The following MUC5B variants were observed in gnomAD, a reference collection of about 807,000 sequenced individuals.
MUC5B encodes mucin 5B, oligomeric mucus/gel-forming, also known as mucin-5B.
Under a neutral mutation model 376.9 loss-of-function variants are expected in MUC5B, and 116 were observed. That is an observed-to-expected ratio of 0.31 (90% CI 0.26 to 0.36). The LOEUF (loss-of-function observed/expected upper bound fraction) is 0.36. MUC5B is among the 10% of genes least tolerant of loss of function. The pLI is 1.00. For synonymous variants in MUC5B, 3,517 were observed against 3,390.9 expected, an observed-to-expected ratio of 1.04 and a Z score of -1.29; for missense variants, 7,165 against 7,769.9, an observed-to-expected ratio of 0.92 and a Z score of 2.93.
chr11:1,261,997 G>A lies in MUC5B; in HGVS notation c.*389G>A. On this transcript the variant is annotated 3_prime_UTR_variant, in exon 49 of 49. Transcript: ENST00000529681. ...CCGCTGGGGCAGACAGGCTGGTCCAGGCAAGGCCAGCTGCTGCCAGGAAGC... is the reference window on the plus strand; with the variant it reads ...CCGCTGGGGCAGACAGGCTGGTCCAAGCAAGGCCAGCTGCTGCCAGGAAGC... 1 of 493,278 alleles carries A rather than the reference G, an allele frequency of 2.0e-6. No homozygotes were observed. The highest frequency in any genetic ancestry group is 1.5e-5 in the South Asian group (1 of 67,298). The allele number at this position is 493,278 out of a possible 1,614,324, so 30.6% of individuals were successfully genotyped here.
intron 32 of MUC5B, 62 bp downstream of exon 32, chr11:1,252,586 C>T: frequency 6.9e-7 from 1 of 1,440,868 alleles, no homozygotes; most frequent in African/African-American, 1.4e-5. Context: ...TGGCTGGAGG[C>T]ACAGCCACAG....
rs759637459 is a variant in MUC5B at position 1,261,730 on chromosome 11, C to T, written c.*122C>T. On this transcript the variant is annotated 3_prime_UTR_variant, in exon 49 of 49. Coordinates refer to ENST00000529681, the MANE Select transcript of MUC5B (RefSeq NM_002458.3). ...GGCCTGTGTGTGGCACCCCGCGCTC[C>T]GTGCTCCTGCTGCCCACCCCGTGGG... The T allele has an allele frequency of 3.0e-5, 30 of 1,005,916 alleles. No individual in the cohort carries two copies. The highest frequency in any genetic ancestry group is 4.8e-5 in the African/African-American group (3 of 62,736). 62.3% of individuals were successfully genotyped at this position (1,005,916 alleles called of 1,614,324 possible).
Position 1,234,434 on chromosome 11 carries a change from C to A in MUC5B, c.2479-95C>A. 6.6e-7 allele frequency: 1 copy of A among 1,509,552 alleles called. No individual in the cohort carries two copies. Among genetic ancestry groups the A allele is most frequent in the Non-Finnish European group, 8.9e-7 (1 of 1,117,658 alleles). 93.5% of individuals were successfully genotyped at this position (1,509,552 alleles called of 1,614,324 possible). On this transcript the variant is annotated intron_variant, in intron 20 of 48. Coordinates refer to ENST00000529681, the MANE Select transcript of MUC5B (RefSeq NM_002458.3). This position sits in a 1 kb window ranked among gnomAD's most constrained non-coding sequence, Gnocchi z 6.3. Reference sequence around the variant, plus strand: ...AAGCTCCGCCCTGGCCCATGCGTTGCCCTGGGTGCTGCTGGGTGCGCCTGT... The same window carrying A: ...AAGCTCCGCCCTGGCCCATGCGTTGACCTGGGTGCTGCTGGGTGCGCCTGT...
intron 25 of MUC5B, 27 bp downstream of exon 25, chr11:1,237,191 G>C (rs117200772): frequency 0.03 from 41,495 of 1,389,574 alleles, 771 homozygotes; most frequent in Non-Finnish European, 0.033. Flanking sequence ...GGCAGGCAGG[G>C]TCTGGTGGGG....
Position 1,232,134 on chromosome 11 carries a change from A to T in MUC5B, c.1817A>T (p.Asp606Val). ...GCCAATGCCAGGAACAGCTTTGAGG[A>T]CCCCTGCTCCCTCAGTGTGGAGAAT... ...ACANARNSFE[D>V]PCSLSVENEN... The change falls in exon 15 of 49, where the codon GAC becomes GTC. Residue 606 changes from aspartate to valine, a missense_variant. Coordinates refer to ENST00000529681, the MANE Select transcript of MUC5B (RefSeq NM_002458.3). The T allele has an allele frequency of 6.2e-7, 1 of 1,610,316 alleles. No individual in the cohort carries two copies. The highest frequency in any genetic ancestry group is 8.5e-7 in the Non-Finnish European group (1 of 1,178,344).
chr11:1,227,241 C>A, intron 5 of MUC5B, 67 bp from the exon 6 acceptor site: 3 of 1,570,082 alleles, frequency 1.9e-6, no homozygotes, highest in Non-Finnish European at 2.6e-6. Context: ...GGTCACGGGG[C>A]TTGGGGCATG....
In MUC5B at chr11:1,251,628, C is replaced by T. The variant is rs4963059; in HGVS notation, c.14748C>T (p.Phe4916=). The change falls in exon 31 of 49, where the codon TTC becomes TTT. Residue 4916 remains phenylalanine, a synonymous_variant. Coordinates refer to ENST00000529681, the MANE Select transcript of MUC5B (RefSeq NM_002458.3). ...PAVLPSSLPT[F]SVSTVSSSVL... is the part of the protein sequence containing the mutation. ...TGCTCCCCAGCAGCCTGCCAACCTT[C>T]AGCGTGTCCACTGTGTCCTCCTCAG... 0.31 allele frequency: 498,940 copies of T among 1,612,710 alleles called. 79,760 individuals carry two copies. Among genetic ancestry groups the T allele is most frequent in the East Asian group, 0.6 (26,695 of 44,860 alleles).
At chr11:1,239,622 G>A (rs371076288) in intron 27 of MUC5B, 56 bp downstream of exon 27, 1 of 1,526,398 alleles carries the variant, frequency 6.6e-7, no homozygotes, top group Non-Finnish European at 8.8e-7. Flanking sequence ...CCGAGTGTAC[G>A]TGGGGGGGCG....
Position 1,235,022 on chromosome 11 carries a change from C to T in MUC5B, c.2631-63C>T, listed in dbSNP as rs140414563. 537 of 1,549,778 alleles carry T rather than the reference C, an allele frequency of 3.5e-4. 8 individuals are homozygous for T. In the East Asian group the frequency reaches 9.0e-3, roughly 26 times the overall value. On this transcript the variant is annotated intron_variant, in intron 21 of 48. Coordinates refer to ENST00000529681, the MANE Select transcript of MUC5B (RefSeq NM_002458.3). ...TGCTGACCTGCACAGGCCTGGGTGC[C>T]GGGTCTCAGGAAGGCCGGGAGAGCA...
intron 2 of MUC5B, 93 bp from the exon 3 acceptor site, chr11:1,226,112 T>A: frequency 2.3e-6 from 3 of 1,320,538 alleles, no homozygotes; most frequent in Non-Finnish European, 3.1e-6. Flanking sequence ...CCCCTTCAAC[T>A]CTGGTGGCTG....
At chr11:1,226,948 AC>A in intron 4 of MUC5B, 72 bp downstream of exon 4, 1 of 715,722 alleles carries the variant, frequency 1.4e-6, no homozygotes, top group African/African-American at 1.9e-5. Flanking sequence ...GCCATGTCTG[AC>A]CTGGGCCAGG....
rs1261142328 is a variant in MUC5B at position 1,257,344 on chromosome 11, C to T, written c.16269+73C>T. 1 of 815,132 alleles carries T rather than the reference C, an allele frequency of 1.2e-6. No individual in the cohort carries two copies. The highest frequency in any genetic ancestry group is 1.7e-5 in the African/African-American group (1 of 59,728). 50.5% of individuals were successfully genotyped at this position (815,132 alleles called of 1,614,324 possible). On this transcript the variant is annotated intron_variant, in intron 40 of 48. Coordinates refer to ENST00000529681, the MANE Select transcript of MUC5B (RefSeq NM_002458.3). The surrounding 1 kb of genome is among the most constrained non-coding windows in gnomAD (Gnocchi z 8.9). The stretch of plus-strand genomic sequence containing the variant: ...GAGGGAGGGAGGGAAGGAGCATCCC[C>T]ATCCCACAGGGCAGCTGTGGGGCGC...
At chr11:1,224,710 T>G (rs1861842755) in intron 1 of MUC5B, among the ~76,000 whole-genome samples, 4 of 152,048 alleles carry the variant, frequency 2.6e-5, no homozygotes, top group Admixed American at 2.6e-4. Flanking sequence ...GCTGGCTTTC[T>G]GGGAAAGGCA....
At position 1,246,599 on chromosome 11, in the gene MUC5B, T is replaced by A. The variant is rs748734870; in HGVS notation, c.9719T>A (p.Ile3240Asn). ...TTPTATSVTA[I>N]PSSSLGTAWT... The stretch of plus-strand genomic sequence containing the variant: ...CCCACAGCTACCAGCGTTACAGCCA[T>A]CCCCTCTTCCTCCCTGGGCACCGCC... Residue 3240 changes from isoleucine (I) to asparagine (N), a missense_variant, in exon 31 of 49, where the codon ATC becomes AAC. By Grantham distance (149) the Ile-to-Asn change is moderately radical (BLOSUM62 -3). Around this residue, in one of 31 missense-constraint regions of MUC5B, gnomAD observed 939 missense variants for 770.6 expected, o/e 1.22. Coordinates refer to ENST00000529681, the MANE Select transcript of MUC5B (RefSeq NM_002458.3). The A allele has an allele frequency of 1.9e-6, 3 of 1,604,422 alleles. No individual in the cohort carries two copies. The highest frequency in any genetic ancestry group is 2.2e-5 in the South Asian group (2 of 90,676).
Position 1,257,901 on chromosome 11 carries a change from C to T in MUC5B, c.16450+191C>T, listed in dbSNP as rs531014987. ...CTCCTCCTAACGATGAGGCTGGTGA[C>T]CTCTGGCCTGCCCAGGAGTGGCCCA... On this transcript the variant is annotated intron_variant, in intron 41 of 48. Transcript: ENST00000529681. This position sits in a 1 kb window ranked among gnomAD's most constrained non-coding sequence, Gnocchi z 8.9. 1.3e-5 allele frequency among the ~76,000 whole-genome samples: 2 copies of T among 152,306 alleles called. No homozygotes were observed. The highest frequency in any genetic ancestry group is 2.9e-5 in the Non-Finnish European group (2 of 68,006).
Position 1,227,720 on chromosome 11 carries a change from A to T in MUC5B, c.713A>T (p.Asp238Val). 2.8e-6 allele frequency: 2 copies of T among 724,214 alleles called. No homozygotes were observed. The highest frequency in any genetic ancestry group is 2.6e-6 in the Non-Finnish European group (1 of 388,992). The allele number at this position is 724,214 out of a possible 1,614,324, so 44.9% of individuals were successfully genotyped here. A position where few individuals can be genotyped will look rare whatever the true frequency, so the allele number is the denominator to read the frequency against. ...PLQFGNLQKL[D>V]GPTEQCPDPL... The stretch of plus-strand genomic sequence containing the variant: ...CAGTTTGGGAACCTGCAGAAGTTGG[A>T]TGGGCCCACGGAGCAGTGCCCGGAC... Residue 238 changes from aspartate to valine, a missense_variant, in exon 7 of 49, where the codon GAT becomes GTT. Transcript: ENST00000529681.
At chr11:1,239,356 C>G in intron 26 of MUC5B, 82 bp from the exon 27 acceptor site, 2 of 1,501,714 alleles carry the variant, frequency 1.3e-6, no homozygotes, top group South Asian at 2.6e-5. Flanking sequence ...CACCGGCCCC[C>G]ACGCCCGGGG....
rs1250253216 is a variant in MUC5B, at chr11:1,227,445, A to T, written c.667+47A>T. ...GGGCGGTGACCAATTATGTCGGCCA[A>T]CGAAGAGCCACAGTCCCGGGGAGGC... is the stretch of plus-strand genomic sequence containing the variant. On this transcript the variant is annotated intron_variant, in intron 6 of 48. Transcript: ENST00000529681. 4.2e-6 allele frequency: 6 copies of T among 1,435,218 alleles called. No homozygotes were observed. The African/African-American group carries it at 8.4e-5, about 20-fold the overall frequency. 88.9% of individuals were successfully genotyped at this position (1,435,218 alleles called of 1,614,324 possible). A position where few individuals can be genotyped will look rare whatever the true frequency, so the allele number is the denominator to read the frequency against.
intron 3 of MUC5B, 30 bp from the exon 4 acceptor site, chr11:1,226,585 G>A (rs754993140): frequency 2.3e-5 from 37 of 1,590,328 alleles, no homozygotes; most frequent in Non-Finnish European, 2.9e-5. Context: ...GGCTGGCATG[G>A]GGATGGGCCT....
Sources: allele counts gnomAD v4.1 joint callset (sites outside exome capture counted in the v4.1 genomes callset), GRCh38; gene constraint gnomAD v4.1.1; regional missense constraint gnomAD v4.1.1; non-coding constraint Gnocchi (gnomAD v3.1); transcripts MANE v1.5; gene names NCBI Gene and HGNC (gene_info 2026-07-23, HGNC 2026-07-21).